PSMA3: variants seen among roughly 807,000 people sequenced by gnomAD.
PSMA3 encodes proteasome 20S subunit alpha 3.
PSMA3 carries 8 observed loss-of-function variants against 40.0 expected under a neutral mutation model. The ratio of observed to expected loss-of-function variants is 0.20; its 90% confidence interval spans 0.12 to 0.36. The LOEUF is 0.36. Ranked by LOEUF, PSMA3 falls within the 10% of genes least tolerant of loss-of-function variation. The pLI is 1.00. For synonymous variants in PSMA3, 110 were observed against 100.0 expected, an observed-to-expected ratio of 1.10 and a Z score of -0.59; for missense variants, 219 against 310.6, an observed-to-expected ratio of 0.70 and a Z score of 2.22.
At chr14:58,252,364 C>A in intron 3 of PSMA3, 122 bp downstream of exon 3, 1 of 1,270,468 alleles carries the variant, frequency 7.9e-7, no homozygotes, top group Non-Finnish European at 1.1e-6. Flanking sequence ...TTGTCCAGTT[C>A]ACTGTCCAGT....
intron 2 of PSMA3, among the ~76,000 whole-genome samples, chr14:58,249,369 A>G (rs1224999138): frequency 6.6e-6 from 1 of 152,206 alleles, no homozygotes; most frequent in Non-Finnish European, 1.5e-5. Flanking sequence ...ATTTTAAAAA[A>G]GAGGCATGGT....
intron 3 of PSMA3, 52 bp downstream of exon 3, chr14:58,252,294 GTAACT>G: frequency 1.3e-6 from 2 of 1,576,558 alleles, no homozygotes; most frequent in Non-Finnish European, 1.7e-6. Context: ...TTCTTTTGAA[GTAACT>G]GATTGGAATA....
intron 2 of PSMA3, among the ~76,000 whole-genome samples, chr14:58,249,185 C>G (rs1026528673): frequency 4.6e-5 from 7 of 151,958 alleles, no homozygotes; most frequent in Admixed American, 2.6e-4. Flanking sequence ...GTCTCGAACT[C>G]CTGACCTCAG....
At chr14:58,269,427 T>TA (rs1313093436) in intron 8 of PSMA3, 4 of 151,772 alleles carry the variant, frequency 2.6e-5, no homozygotes, top group African/African-American at 7.3e-5. Flanking sequence ...GCACATAAAT[T>TA]AGTTTTTTTT....
At chr14:58,259,526 G>C (rs1890222408) in intron 5 of PSMA3, among the ~76,000 whole-genome samples, 3 of 152,050 alleles carry the variant, frequency 2.0e-5, no homozygotes, top group African/African-American at 4.8e-5. Context: ...TGTTGGCCAG[G>C]CTGGTCTCAA....
At chr14:58,262,753 G>C (rs1442488764) in intron 6 of PSMA3, among the ~76,000 whole-genome samples, 1 of 151,018 alleles carries the variant, frequency 6.6e-6, no homozygotes, top group South Asian at 2.1e-4. Context: ...AGTAGAGACA[G>C]ACTTTCACCA....
chr14:58,268,069 T>C (rs1392487335), intron 8 of PSMA3: 1 of 152,224 alleles, frequency 6.6e-6, no homozygotes, highest in Non-Finnish European at 1.5e-5. Flanking sequence ...ATTACAGGTA[T>C]ATAAAGTAGA....
intron 3 of PSMA3, among the ~76,000 whole-genome samples, chr14:58,252,747 G>C (rs182097227): frequency 4.7e-5 from 7 of 149,568 alleles, no homozygotes; most frequent in Non-Finnish European, 1.0e-4. Flanking sequence ...CCAAGCCATA[G>C]ATACATGACT....
chr14:58,263,580 T>C, intron 6 of PSMA3, 125 bp from the exon 7 acceptor site: 1 of 717,062 alleles, frequency 1.4e-6, no homozygotes, highest in Middle Eastern at 3.9e-4. Context: ...TTTGACTATA[T>C]TTTTCTATAC....
intron 3 of PSMA3, among the ~76,000 whole-genome samples, chr14:58,255,771 A>G (rs1490453465): frequency 1.3e-5 from 2 of 152,130 alleles, no homozygotes; most frequent in Non-Finnish European, 2.9e-5. Context: ...CTCCATCTCA[A>G]AAAAAAAGAT....
intron 5 of PSMA3, 120 bp from the exon 6 acceptor site, chr14:58,260,828 G>T: frequency 1.6e-6 from 1 of 615,868 alleles, no homozygotes. Context: ...TACTTACTGA[G>T]TTATATGTGT....
At chr14:58,254,250 C>G (rs12878264) in intron 3 of PSMA3, among the ~76,000 whole-genome samples, 106,111 of 145,782 alleles carry the variant, frequency 0.73, 39,162 homozygotes, top group Middle Eastern at 0.88. Context: ...AAACTTGCTA[C>G]ATTGTAACCT....
At position 58,261,040 on chromosome 14, in the gene PSMA3, T is replaced by G; in HGVS notation, c.477+20T>G. ...TCATACGTGAGTAATTTTGAATCAT[T>G]TGAAATTCTATTTTAGTTTAATGGT... On this transcript the variant is annotated intron_variant, in intron 6 of 10. Coordinates refer to ENST00000216455, the MANE Select transcript of PSMA3 (RefSeq NM_002788.4). 1 of 1,537,754 alleles carries G rather than the reference T, an allele frequency of 6.5e-7. No homozygotes were observed. The highest frequency in any genetic ancestry group is 1.1e-5 in the South Asian group (1 of 88,486).
intron 5 of PSMA3, 39 bp downstream of exon 5, chr14:58,258,037 A>AC (rs1256543960): frequency 6.8e-7 from 1 of 1,460,662 alleles, no homozygotes; most frequent in African/African-American, 1.4e-5. Context: ...GCAGATCTGT[A>AC]CTATAGATAT....
intron 2 of PSMA3, among the ~76,000 whole-genome samples, chr14:58,250,743 A>G (rs947852939): frequency 6.6e-6 from 1 of 152,182 alleles, no homozygotes; most frequent in African/African-American, 2.4e-5. Flanking sequence ...TAGATTGTGG[A>G]TCCCTTTTTA....
At chr14:58,265,412 C>T (rs1220674064) in intron 7 of PSMA3, 1 of 152,132 alleles carries the variant, frequency 6.6e-6, no homozygotes, top group Non-Finnish European at 1.5e-5. Context: ...CAGTTTGTGA[C>T]AAAATTATGC....
chr14:58,261,978 G>A (rs1011160080), intron 6 of PSMA3, among the ~76,000 whole-genome samples: 2 of 152,100 alleles, frequency 1.3e-5, no homozygotes, highest in Non-Finnish European at 2.9e-5. Context: ...CCAGGCTGGA[G>A]TGCAGTGGCT....
chr14:58,250,666 TG>T (rs1286044704), intron 2 of PSMA3, among the ~76,000 whole-genome samples: 17 of 152,328 alleles, frequency 1.1e-4, no homozygotes, highest in Non-Finnish European at 8.8e-5. Context: ...TTCATTTTTC[TG>T]GGAGGAAATG....
intron 10 of PSMA3, 67 bp from the exon 11 acceptor site, chr14:58,271,784 C>T: frequency 8.7e-7 from 1 of 1,145,944 alleles, no homozygotes; most frequent in Non-Finnish European, 1.3e-6. Context: ...TGTAGCTTAA[C>T]TTGCCCACAG....
Sources: allele counts gnomAD v4.1 joint callset (sites outside exome capture counted in the v4.1 genomes callset), GRCh38; gene constraint gnomAD v4.1.1; transcripts MANE v1.5; gene names NCBI Gene and HGNC (gene_info 2026-07-23, HGNC 2026-07-21).